CDKL5: variants seen among roughly 807,000 people sequenced by gnomAD.
CDKL5 encodes cyclin dependent kinase like 5, also known as cyclin-dependent kinase-like 5.
In CDKL5, 8 loss-of-function variants were observed where a neutral mutation model predicts 61.7. The ratio of observed to expected loss-of-function variants is 0.13; its 90% CI spans 0.08 to 0.23. The LOEUF (loss-of-function observed/expected upper bound fraction) is 0.23. CDKL5 is among the 10% of genes least tolerant of loss of function. The pLI is 1.00. For missense variants in CDKL5, 440 were observed against 734.5 expected (o/e 0.60, Z 4.63); for synonymous variants, 275 against 272.3 (o/e 1.01, Z -0.10).
chrX:18,457,383 C>T (rs1250949970), intron 1 of CDKL5: 1 of 111,262 alleles, frequency 9.0e-6, no homozygotes, highest in Admixed American at 9.7e-5. Flanking sequence ...GAATCCTAGT[C>T]GGGGATTATT....
At chrX:18,471,606 T>TCAAGCAATCCCCTACCTTGGTCTCC (rs1200976706) in intron 1 of CDKL5, among the ~76,000 whole-genome samples, 1 of 111,798 alleles carries the variant, frequency 8.9e-6, no homozygotes, top group Non-Finnish European at 1.9e-5. Context: ...ACTCCTCAGC[T>TCAAGCAATCCCCTACCTTGGTCTCC]CAAGCAATCC....
At chrX:18,571,867 A>G (rs960325848) in intron 4 of CDKL5, among the ~76,000 whole-genome samples, 4 of 111,684 alleles carry the variant, frequency 3.6e-5, no homozygotes, top group African/African-American at 1.3e-4. Flanking sequence ...TTTTAATACT[A>G]TGACTGGCAT....
chrX:18,570,790 TTTC>T (rs1297930201), intron 4 of CDKL5, among the ~76,000 whole-genome samples: 2 of 112,404 alleles, frequency 1.8e-5, no homozygotes, highest in Non-Finnish European at 3.8e-5. Flanking sequence ...TCCTGTGATC[TTTC>T]TTCTTAAGAA....
chrX:18,552,926 T>C (rs991446223), intron 3 of CDKL5, among the ~76,000 whole-genome samples: 1 of 110,768 alleles, frequency 9.0e-6, no homozygotes, highest in Non-Finnish European at 1.9e-5. Context: ...TTAGTGGAGT[T>C]AGGGAGAATT....
intron 3 of CDKL5, among the ~76,000 whole-genome samples, chrX:18,560,802 C>G (rs928033750): frequency 1.9e-5 from 2 of 106,046 alleles, no homozygotes; most frequent in Non-Finnish European, 3.9e-5. Flanking sequence ...CACACACACT[C>G]CTCTAAATAT....
chrX:18,433,236 AAAAAG>A (rs1244153206), intron 1 of CDKL5, among the ~76,000 whole-genome samples: 4 of 107,420 alleles, frequency 3.7e-5, no homozygotes, highest in African/African-American at 6.8e-5. Context: ...CTCAAAAAAA[AAAAAG>A]AAAAGAAAAG....
At chrX:18,455,421 T>C (rs771995404) in intron 1 of CDKL5, among the ~76,000 whole-genome samples, 62 of 112,795 alleles carry the variant, frequency 5.5e-4, no homozygotes, top group Middle Eastern at 4.6e-3. Flanking sequence ...CAACTGACTT[T>C]TGGATACAAA....
chrX:18,472,779 A>AT (rs1243341979), intron 1 of CDKL5, among the ~76,000 whole-genome samples: 26 of 102,137 alleles, frequency 2.5e-4, no homozygotes, highest in East Asian at 6.1e-4. Flanking sequence ...ATAGTTTCTG[A>AT]TTTTTTTTTT....
rs188155147 is a variant in CDKL5, at chrX:18,527,072, C to T, written c.99+16218C>T. On this transcript the variant is annotated intron_variant, in intron 3 of 17. Coordinates refer to ENST00000623535, the MANE Select transcript of CDKL5 (RefSeq NM_001323289.2). ...TGCTGGGATTACAGGCGTGAGCCAC[C>T]GCGCCTGGCCTTGAAGCAGCCTTTC... is the stretch of plus-strand genomic sequence containing the variant. Among the ~76,000 whole-genome samples the T allele has an allele frequency of 4.8e-3, 537 of 112,106 alleles. 3 individuals are homozygous for T. The highest frequency in any genetic ancestry group is 0.014 in the Middle Eastern group (3 of 216).
intron 4 of CDKL5, among the ~76,000 whole-genome samples, chrX:18,574,599 A>C (rs1925234823): frequency 8.9e-6 from 1 of 111,804 alleles, no homozygotes; most frequent in African/African-American, 3.3e-5. Flanking sequence ...ATAACCACGG[A>C]GATTATCATG....
chrX:18,518,024 C>T (rs993792872), intron 3 of CDKL5, among the ~76,000 whole-genome samples: 4 of 111,301 alleles, frequency 3.6e-5, no homozygotes, highest in African/African-American at 1.3e-4. Flanking sequence ...CAGAGTAGTA[C>T]GTCGTGATCT....
intron 1 of CDKL5, among the ~76,000 whole-genome samples, chrX:18,495,949 C>T (rs1922154492): frequency 8.9e-6 from 1 of 112,109 alleles, no homozygotes; most frequent in Non-Finnish European, 1.9e-5. Flanking sequence ...TCCATGAGAG[C>T]AGGAGCATGG....
intron 3 of CDKL5, among the ~76,000 whole-genome samples, chrX:18,549,477 ATCTT>A (rs1924311561): frequency 8.9e-6 from 1 of 112,270 alleles, no homozygotes; most frequent in Non-Finnish European, 1.9e-5. Context: ...ATATTCTTGA[ATCTT>A]TATTTAGCAG....
chrX:18,543,795 A>T (rs1026428604), intron 3 of CDKL5, among the ~76,000 whole-genome samples: 13 of 111,424 alleles, frequency 1.2e-4, no homozygotes, highest in African/African-American at 4.2e-4. Context: ...GCCCCATTAT[A>T]CTCAGATGGA....
At chrX:18,585,421 A>G (rs1925612701) in intron 8 of CDKL5, among the ~76,000 whole-genome samples, 1 of 111,008 alleles carries the variant, frequency 9.0e-6, no homozygotes, top group Admixed American at 9.6e-5. Flanking sequence ...CCCAAAAAAC[A>G]AAAAAATGGA....
At chrX:18,460,766 G>A (rs978298735) in intron 1 of CDKL5, among the ~76,000 whole-genome samples, 1 of 111,830 alleles carries the variant, frequency 8.9e-6, no homozygotes. Context: ...CTTCCAAAGT[G>A]CTGGGATTAT....
chrX:18,635,236 CTT>C lies in CDKL5; in HGVS notation c.*6480_*6481del, dbSNP rs771517989. 5 of 748,744 alleles carry C rather than the reference CTT, an allele frequency of 6.7e-6. No homozygotes were observed. Among genetic ancestry groups the C allele is most frequent in the Non-Finnish European group, 7.9e-6 (5 of 634,678 alleles). 61.7% of individuals were successfully genotyped at this position (748,744 alleles called of 1,213,427 possible). On this transcript the variant is annotated 3_prime_UTR_variant, in exon 18 of 18. Transcript: ENST00000623535. ...TTCTGGCATGTAATTCCATTCTAAA[CTT>C]ATGTAAAATTTCTATTGTTGCTGTA...
At chrX:18,596,732 A>G (rs968386932) in intron 10 of CDKL5, among the ~76,000 whole-genome samples, 1 of 112,129 alleles carries the variant, frequency 8.9e-6, no homozygotes, top group African/African-American at 3.2e-5. Context: ...ATTAAATACA[A>G]TTTCATGTTT....
chrX:18,613,805 G>A (rs1926638138), intron 15 of CDKL5, among the ~76,000 whole-genome samples: 1 of 111,432 alleles, frequency 9.0e-6, no homozygotes, highest in Non-Finnish European at 1.9e-5. Flanking sequence ...TGTCATTCAG[G>A]GTAAAAAGAA....
Sources: allele counts gnomAD v4.1 joint callset (sites outside exome capture counted in the v4.1 genomes callset), GRCh38; gene constraint gnomAD v4.1.1; transcripts MANE v1.5; gene names NCBI Gene and HGNC (gene_info 2026-07-23, HGNC 2026-07-21).